Variants in PARP1 observed in about 807,000 individuals in gnomAD.
PARP1 encodes the protein poly(ADP-ribose) polymerase 1.
PARP1 carries 44 observed loss-of-function variants against 118.7 expected under a neutral mutation model. The observed-to-expected ratio is 0.37, with a 90% confidence interval of 0.29 to 0.48. PARP1 has a LOEUF of 0.48. Ranked by LOEUF, PARP1 falls within the 20% of genes least tolerant of loss-of-function variation. The probability of loss-of-function intolerance (pLI) is 0.99; values close to 1 mark genes in which losing one functional copy is unlikely to be tolerated. For synonymous variants in PARP1, 492 were observed against 483.2 expected (o/e 1.02, Z -0.24); for missense variants, 1,100 against 1,272.4 (o/e 0.86, Z 2.06).
chr1:226,406,818 T>G (rs977328997), intron 1 of PARP1, among the ~76,000 whole-genome samples: 3 of 152,132 alleles, frequency 2.0e-5, no homozygotes, highest in Non-Finnish European at 1.5e-5. Flanking sequence ...GGGTATCCAC[T>G]CGGTAAATGT....
At chr1:226,376,054 G>A (rs905162942) in intron 13 of PARP1, among the ~76,000 whole-genome samples, 1 of 152,074 alleles carries the variant, frequency 6.6e-6, no homozygotes, top group Non-Finnish European at 1.5e-5. Flanking sequence ...AATCTGTCCT[G>A]AAAGTCTACT....
chr1:226,387,601 C>T (rs1036028803), intron 5 of PARP1, among the ~76,000 whole-genome samples: 5 of 152,094 alleles, frequency 3.3e-5, no homozygotes, highest in Admixed American at 6.5e-5. Flanking sequence ...TACACTGGGA[C>T]ACCAGGAATG....
At chr1:226,377,674 G>A (rs985331688) in intron 12 of PARP1, among the ~76,000 whole-genome samples, 18 of 152,022 alleles carry the variant, frequency 1.2e-4, no homozygotes, top group Admixed American at 2.6e-4. Context: ...CCTTACAGCT[G>A]TACCCTAAAA....
intron 8 of PARP1, among the ~76,000 whole-genome samples, chr1:226,381,453 G>A (rs1412649496): frequency 6.6e-6 from 1 of 152,224 alleles, no homozygotes; most frequent in African/African-American, 2.4e-5. Context: ...CCAGCCTCGC[G>A]GCGTGAGCCA....
At position 226,380,023 on chromosome 1, in the gene PARP1, C is replaced by G. The variant is rs138072805; in HGVS notation, c.1442G>C (p.Trp481Ser). The change falls in exon 10 of 23, where the codon TGG becomes TCG. Residue 481 changes from tryptophan (W) to serine (S), a missense_variant. This residue lies in a region of PARP1 where 948 missense variants were observed against 1,031.8 expected (regional missense o/e 0.92). Coordinates refer to ENST00000366794, the MANE Select transcript of PARP1 (RefSeq NM_001618.4). Reference sequence around the variant, plus strand: ...AGGCTCTGCCTTCACCTCTGCCCCCCAAGGGGACAAGATGTGCGCTAAGAA... The same window carrying G: ...AGGCTCTGCCTTCACCTCTGCCCCCGAAGGGGACAAGATGTGCGCTAAGAA... ...ELFLAHILSP[W>S]GAEVKAEPVE... 82 of 1,614,196 alleles carry G rather than the reference C, an allele frequency of 5.1e-5. No homozygotes were observed. The highest frequency in any genetic ancestry group is 4.0e-4 in the African/African-American group (30 of 75,058).
chr1:226,384,681 C>T (rs1486736790), intron 7 of PARP1, among the ~76,000 whole-genome samples: 1 of 152,182 alleles, frequency 6.6e-6, no homozygotes, highest in Non-Finnish European at 1.5e-5. Context: ...TTTAGAGGAA[C>T]CACTCAAACG....
chr1:226,390,405 C>T lies in PARP1; in HGVS notation c.617+5G>A. 1 of 1,613,042 alleles carries T rather than the reference C, an allele frequency of 6.2e-7. No homozygotes were observed. The highest frequency in any genetic ancestry group is 8.5e-7 in the Non-Finnish European group (1 of 1,179,820). Reference sequence around the variant, plus strand: ...CCCAGGGCAACCCCGCAGTGCTCCACCCACCCTTCACTCTTGACTCCTGGG... The same window carrying T: ...CCCAGGGCAACCCCGCAGTGCTCCATCCACCCTTCACTCTTGACTCCTGGG... On this transcript the variant is annotated splice_donor_5th_base_variant and intron_variant, in intron 4 of 22. Transcript: ENST00000366794.
At chr1:226,400,430 G>C (rs1467610189) in intron 2 of PARP1, among the ~76,000 whole-genome samples, 2 of 152,212 alleles carry the variant, frequency 1.3e-5, no homozygotes, top group African/African-American at 4.8e-5. Context: ...CTCTCAAATA[G>C]AGTAAACATT....
At chr1:226,363,837 A>C in intron 20 of PARP1, 106 bp downstream of exon 20, 30 of 1,177,856 alleles carry the variant, frequency 2.5e-5, no homozygotes, top group Non-Finnish European at 3.2e-5. Context: ...GCGTCCAGTA[A>C]CTGCAGTGGG....
At chr1:226,381,517 T>A (rs185173425) in intron 8 of PARP1, among the ~76,000 whole-genome samples, 7 of 152,284 alleles carry the variant, frequency 4.6e-5, no homozygotes, top group East Asian at 1.9e-4. Flanking sequence ...GAAGGCTGCA[T>A]CTGCGGACGA....
chr1:226,384,581 C>T (rs902993891), intron 7 of PARP1, among the ~76,000 whole-genome samples: 3 of 152,184 alleles, frequency 2.0e-5, no homozygotes, highest in African/African-American at 4.8e-5. Context: ...ACAAATACCA[C>T]GTAAGGGTCT....
At chr1:226,381,263 G>C (rs2102736400) in intron 8 of PARP1, 55 bp from the exon 9 acceptor site, 1 of 1,598,620 alleles carries the variant, frequency 6.3e-7, no homozygotes, top group Non-Finnish European at 8.6e-7. Context: ...CTGCTCCCCA[G>C]TAAGGGGAGG....
rs1665184182 is a variant in PARP1 at position 226,407,854 on chromosome 1, C to T, written c.76G>A (p.Glu26Lys). 6.2e-7 allele frequency: 1 copy of T among 1,605,390 alleles called. No individual in the cohort carries two copies. The highest frequency in any genetic ancestry group is 1.1e-5 in the South Asian group (1 of 90,014). The change falls in exon 1 of 23, where the codon GAG becomes AAG. Residue 26 changes from glutamate to lysine, a missense_variant. Around this residue, in one of 2 missense-constraint regions of PARP1, gnomAD observed 948 missense variants for 1,031.8 expected, o/e 0.92. Transcript: ENST00000366794. ...SGRASCKKCS[E>K]SIPKDSLRMA... ...CGGAGCGAGTCCTTGGGGATGCTCT[C>T]GCTGCATTTCTTGCAAGAGGCGCGC... is the stretch of plus-strand genomic sequence containing the variant.
At chr1:226,404,282 A>G (rs1169254770) in intron 1 of PARP1, among the ~76,000 whole-genome samples, 2 of 152,238 alleles carry the variant, frequency 1.3e-5, no homozygotes, top group Non-Finnish European at 2.9e-5. Context: ...GGCATTTCTG[A>G]GAGCATACTC....
intron 2 of PARP1, among the ~76,000 whole-genome samples, chr1:226,396,832 C>G (rs1378533291): frequency 6.6e-6 from 1 of 152,108 alleles, no homozygotes; most frequent in Non-Finnish European, 1.5e-5. Flanking sequence ...ACCCGGGAGG[C>G]AGAGGTTGCA....
intron 1 of PARP1, 104 bp downstream of exon 1, chr1:226,407,706 C>CCCGGGT: frequency 8.2e-7 from 1 of 1,212,160 alleles, no homozygotes; most frequent in East Asian, 4.1e-5. Flanking sequence ...GCTCCGAGGG[C>CCCGGGT]CCGGGCCCGC....
intron 2 of PARP1, among the ~76,000 whole-genome samples, chr1:226,397,362 A>C (rs1664944510): frequency 6.6e-6 from 1 of 151,982 alleles, no homozygotes; most frequent in Non-Finnish European, 1.5e-5. Flanking sequence ...CTTTCTTGGC[A>C]AATTTATTTA....
chr1:226,363,685 A>G (rs1664197863), intron 20 of PARP1, among the ~76,000 whole-genome samples: 2 of 152,326 alleles, frequency 1.3e-5, no homozygotes, highest in South Asian at 2.1e-4. Flanking sequence ...TCTGCTTCCC[A>G]GTCCATGGAG....
chr1:226,403,314 G>A (rs552041391), intron 1 of PARP1, among the ~76,000 whole-genome samples: 5 of 152,356 alleles, frequency 3.3e-5, no homozygotes, highest in Non-Finnish European at 7.3e-5. Flanking sequence ...GAGTAGCTGG[G>A]ACTACAGGCA....
Sources: gnomAD v4.1 joint callset for allele counts (sites outside exome capture counted in the v4.1 genomes callset) on GRCh38, gnomAD v4.1.1 for gene constraint, gnomAD v4.1.1 regional missense constraint, MANE v1.5 for transcripts, NCBI Gene and HGNC (gene_info 2026-07-23, HGNC 2026-07-21) for gene names.